Variants in RAB38 observed in about 807,000 individuals in gnomAD.
RAB38 encodes the protein RAB38, member RAS oncogene family, also known as ras-related protein Rab-38.
Under a neutral mutation model 18.4 loss-of-function variants are expected in RAB38, and 15 were observed. The observed-to-expected ratio is 0.82, with a 90% confidence interval of 0.55 to 1.26. RAB38 has a LOEUF of 1.26. Ranked by LOEUF, RAB38 falls within the 50% of genes most tolerant of loss-of-function variation. RAB38 has a pLI of 0.00. For missense variants in RAB38, 294 were observed against 267.4 expected (o/e 1.10, Z -0.69); for synonymous variants, 101 against 104.4 (o/e 0.97, Z 0.20).
chr11:88,024,574 A>G, the RAB38 span, among the ~76,000 whole-genome samples: 4 of 152,230 alleles, frequency 2.6e-5, no homozygotes, highest in African/African-American at 9.6e-5. Flanking sequence ...TCAAAGAGAT[A>G]TCTACATTTC....
intron 2 of RAB38, among the ~76,000 whole-genome samples, chr11:88,125,054 T>C (rs866867079): frequency 6.6e-6 from 1 of 152,208 alleles, no homozygotes; most frequent in Non-Finnish European, 1.5e-5. Context: ...CCAGTTCATG[T>C]CCTGTGTAGT....
At chr11:88,069,002 T>C in the RAB38 span, among the ~76,000 whole-genome samples, 117,938 of 152,124 alleles carry the variant, frequency 0.78, 45,999 homozygotes, top group African/African-American at 0.85. Context: ...CCTCTCTGGG[T>C]GGGCCAAGGC....
the RAB38 span, among the ~76,000 whole-genome samples, chr11:88,047,492 T>C: frequency 6.6e-6 from 1 of 152,226 alleles, no homozygotes; most frequent in Non-Finnish European, 1.5e-5. Context: ...CTCAGCAAGC[T>C]GAACTCATTG....
intron 2 of RAB38, among the ~76,000 whole-genome samples, chr11:88,120,525 G>T (rs1373006157): frequency 6.6e-6 from 1 of 152,122 alleles, no homozygotes; most frequent in Non-Finnish European, 1.5e-5. Context: ...ACCAGAGTTT[G>T]GTGTAACAGT....
the RAB38 span, among the ~76,000 whole-genome samples, chr11:87,906,314 CTT>C: frequency 6.6e-6 from 1 of 151,958 alleles, no homozygotes; most frequent in African/African-American, 2.4e-5. Context: ...AGAACCCAAA[CTT>C]ATAACCATTT....
the RAB38 span, among the ~76,000 whole-genome samples, chr11:87,813,339 G>A: frequency 3.3e-5 from 5 of 152,140 alleles, no homozygotes; most frequent in African/African-American, 7.2e-5. Flanking sequence ...GTTCCAGGGC[G>A]AAATCAATTG....
chr11:87,974,677 A>AT, the RAB38 span, among the ~76,000 whole-genome samples: 103 of 150,866 alleles, frequency 6.8e-4, 1 homozygote, highest in Admixed American at 1.1e-3. Context: ...TCATAGTAGG[A>AT]TTTTTTTTTA....
At chr11:88,086,166 G>C in the RAB38 span, among the ~76,000 whole-genome samples, 1 of 151,856 alleles carries the variant, frequency 6.6e-6, no homozygotes, top group Non-Finnish European at 1.5e-5. Context: ...TCTTATTATT[G>C]TGACTCTGTT....
chr11:87,861,570 T>C, the RAB38 span, among the ~76,000 whole-genome samples: 1 of 151,814 alleles, frequency 6.6e-6, no homozygotes, highest in East Asian at 1.9e-4. Flanking sequence ...TCAGGGCATT[T>C]TGCTTGTTGA....
chr11:88,073,856 A>G, the RAB38 span, among the ~76,000 whole-genome samples: 2 of 152,150 alleles, frequency 1.3e-5, no homozygotes, highest in African/African-American at 4.8e-5. Context: ...AAAATCAAGC[A>G]GAAATTTTAG....
At chr11:87,832,739 T>C in the RAB38 span, among the ~76,000 whole-genome samples, 1 of 151,998 alleles carries the variant, frequency 6.6e-6, no homozygotes, top group East Asian at 1.9e-4. Context: ...ACTCTCCTTT[T>C]AAGAACTCCT....
chr11:87,941,302 CCA>C, the RAB38 span, among the ~76,000 whole-genome samples: 1,322 of 133,882 alleles, frequency 9.9e-3, 16 homozygotes, highest in African/African-American at 0.03. Context: ...CCAAACTGTC[CCA>C]GAGTTTCTCA....
the RAB38 span, among the ~76,000 whole-genome samples, chr11:88,067,494 A>G: frequency 1.3e-5 from 2 of 152,206 alleles, no homozygotes; most frequent in Non-Finnish European, 1.5e-5. Context: ...TCTATATTAA[A>G]AAGCACATAA....
downstream of RAB38, among the ~76,000 whole-genome samples, chr11:88,110,898 T>A (rs1449814537): frequency 4.0e-5 from 6 of 150,576 alleles, no homozygotes; most frequent in Non-Finnish European, 5.9e-5. Flanking sequence ...TCCAGCACTT[T>A]GGGAGTCCAA....
chr11:88,087,386 A>G, the RAB38 span, among the ~76,000 whole-genome samples: 1 of 151,966 alleles, frequency 6.6e-6, no homozygotes, highest in East Asian at 1.9e-4. Context: ...CGTTTGACTC[A>G]CTGTTCTGCA....
chr11:87,894,773 G>A, the RAB38 span, among the ~76,000 whole-genome samples: 1 of 149,128 alleles, frequency 6.7e-6, no homozygotes, highest in East Asian at 2.0e-4. Context: ...TCATATATAT[G>A]TACACATTAT....
the RAB38 span, among the ~76,000 whole-genome samples, chr11:87,804,229 T>A: frequency 6.6e-6 from 1 of 152,206 alleles, no homozygotes; most frequent in East Asian, 1.9e-4. Flanking sequence ...TTACTTTCTT[T>A]ACTTTCTACC....
downstream of RAB38, among the ~76,000 whole-genome samples, chr11:88,109,206 A>G (rs1338676884): frequency 6.6e-6 from 1 of 152,202 alleles, no homozygotes; most frequent in Non-Finnish European, 1.5e-5. Context: ...CAGAGGCCTC[A>G]GGAAAAACAT....
At chr11:87,942,052 C>A in the RAB38 span, among the ~76,000 whole-genome samples, 637 of 152,288 alleles carry the variant, frequency 4.2e-3, 3 homozygotes, top group African/African-American at 0.014. Flanking sequence ...GAAAATGGTG[C>A]CCAACCTGAC....
Sources: allele counts gnomAD v4.1 joint callset (sites outside exome capture counted in the v4.1 genomes callset), GRCh38; gene constraint gnomAD v4.1.1; transcripts MANE v1.5; gene names NCBI Gene and HGNC (gene_info 2026-07-23, HGNC 2026-07-21).